The following USP36 variants were observed in gnomAD, a reference collection of about 807,000 sequenced individuals.
The protein encoded by USP36 is ubiquitin specific peptidase 36.
A neutral mutation model predicts 111.5 loss-of-function variants in USP36; 59 were observed. The observed-to-expected ratio is 0.53, with a 90% CI of 0.43 to 0.66. The LOEUF is 0.66. Among genes scored for constraint, USP36 ranks in the 30% least tolerant of loss-of-function variants. USP36 has a pLI of 0.00. For missense variants in USP36, 1,488 were observed against 1,468.0 expected, an observed-to-expected ratio of 1.01 and a Z score of -0.22; for synonymous variants, 628 against 581.0, an observed-to-expected ratio of 1.08 and a Z score of -1.16.
At chr17:78,815,518 T>A (rs2094157411) in intron 10 of USP36, among the ~76,000 whole-genome samples, 1 of 151,992 alleles carries the variant, frequency 6.6e-6, no homozygotes, top group African/African-American at 2.4e-5. Context: ...GGGTCACTCA[T>A]TTTCTTTCCC....
intron 7 of USP36, 96 bp downstream of exon 7, chr17:78,821,841 G>C (rs552663418): frequency 6.9e-7 from 1 of 1,439,398 alleles, no homozygotes. Flanking sequence ...TCTGCACAGC[G>C]AAGAAAGAGC....
chr17:78,814,905 C>T (rs192654982), intron 10 of USP36, among the ~76,000 whole-genome samples: 3 of 152,094 alleles, frequency 2.0e-5, no homozygotes, highest in African/African-American at 4.8e-5. Context: ...GAGCCGAGAT[C>T]GAGCCACTGC....
intron 3 of USP36, 108 bp downstream of exon 3, chr17:78,836,003 C>A: frequency 6.7e-7 from 1 of 1,493,496 alleles, no homozygotes; most frequent in East Asian, 2.3e-5. Context: ...ATTCATAACT[C>A]TTTGACCACA....
chr17:78,807,208 G>A lies in USP36; in HGVS notation c.1836C>T (p.Ser612=), dbSNP rs2093929581. ...TGCTGGCCGAGTGCTCTGGGCTGGA[G>A]CTGCTGGAGCCCCTCCTGTCGAGGC... ...SAGLDRRGSS[S]SSPEHSASSD... Residue 612 remains serine (S), a synonymous_variant, in exon 14 of 21, where the codon AGC becomes AGT. Coordinates refer to ENST00000449938, the MANE Select transcript of USP36 (RefSeq NM_001385174.1). The A allele has an allele frequency of 1.2e-6, 2 of 1,614,086 alleles. No homozygotes were observed. Among genetic ancestry groups the A allele is most frequent in the Non-Finnish European group, 1.7e-6 (2 of 1,179,992 alleles).
intron 2 of USP36, among the ~76,000 whole-genome samples, chr17:78,837,634 C>T (rs2068807474): frequency 6.6e-6 from 1 of 152,200 alleles, no homozygotes; most frequent in Non-Finnish European, 1.5e-5. Context: ...CACTTGCCCT[C>T]CCCTACCCAC....
chr17:78,836,496 A>T, intron 2 of USP36, 124 bp from the exon 3 acceptor site: 1 of 1,268,770 alleles, frequency 7.9e-7, no homozygotes, highest in South Asian at 1.5e-5. Context: ...TGGATCAGTG[A>T]TCCCCTGGAT....
chr17:78,826,499 G>C (rs2067554347), intron 6 of USP36: 1 of 152,378 alleles, frequency 6.6e-6, no homozygotes, highest in Non-Finnish European at 1.5e-5. Context: ...ATCATCCACT[G>C]AGGCCAGTAG....
At chr17:78,800,370 A>T (rs2093710968) in intron 17 of USP36, among the ~76,000 whole-genome samples, 1 of 152,196 alleles carries the variant, frequency 6.6e-6, no homozygotes, top group African/African-American at 2.4e-5. Flanking sequence ...CCTGGTCCCC[A>T]TCAGCAACAC....
intron 14 of USP36, 29 bp downstream of exon 14, chr17:78,806,930 C>G (rs199764785): frequency 6.2e-7 from 1 of 1,607,896 alleles, no homozygotes; most frequent in South Asian, 1.1e-5. Flanking sequence ...TCCTGATACA[C>G]AGCAGCGGCG....
chr17:78,821,788 C>A (rs1031692492), intron 7 of USP36, 149 bp downstream of exon 7: 2 of 863,804 alleles, frequency 2.3e-6, no homozygotes, highest in Non-Finnish European at 3.6e-6. Flanking sequence ...GGCCAAGAGT[C>A]TCAGAGGAAA....
chr17:78,811,169 A>AGG (rs67569924), intron 13 of USP36, among the ~76,000 whole-genome samples: 4 of 38,898 alleles, frequency 1.0e-4, no homozygotes, highest in Non-Finnish European at 2.1e-4. Flanking sequence ...ACAGTCATCA[A>AGG]GAGGGTCCAC....
Position 78,807,204 on chromosome 17 carries a change from T to C in USP36, c.1840A>G (p.Ser614Gly), listed in dbSNP as rs773993759. 2.5e-6 allele frequency: 4 copies of C among 1,614,088 alleles called. No homozygotes were observed. Among genetic ancestry groups the C allele is most frequent in the Non-Finnish European group, 3.4e-6 (4 of 1,179,986 alleles). The change falls in exon 14 of 21, where the codon AGC becomes GGC. Residue 614 changes from serine to glycine, a missense_variant. By Grantham distance (56) the Ser-to-Gly change is moderately conservative. This residue lies in a region of USP36 where 1,073 missense variants were observed against 994.1 expected (regional missense o/e 1.08). Coordinates refer to ENST00000449938, the MANE Select transcript of USP36 (RefSeq NM_001385174.1). ...GLDRRGSSSS[S>G]PEHSASSDST... ...TCGCTGCTGGCCGAGTGCTCTGGGC[T>C]GGAGCTGCTGGAGCCCCTCCTGTCG...
In USP36 at chr17:78,806,019, C is replaced by T. The variant is rs1349307422; in HGVS notation, c.2216+137G>A. ...AGAGGGGGATCTTGGTCAGTGACGC[C>T]CCCCTGTACCTCCTGGCTGCCCCAA... On this transcript the variant is annotated intron_variant, in intron 15 of 20. Coordinates refer to ENST00000449938, the MANE Select transcript of USP36 (RefSeq NM_001385174.1). 2.1e-6 allele frequency: 3 copies of T among 1,449,848 alleles called. No individual in the cohort carries two copies. In the East Asian group the frequency reaches 7.2e-5, roughly 35 times the overall value. The allele number at this position is 1,449,848 out of a possible 1,614,324, so 89.8% of individuals were successfully genotyped here. A position where few individuals can be genotyped will look rare whatever the true frequency, so the allele number is the denominator to read the frequency against.
At chr17:78,793,587 A>G (rs1250552468), downstream of USP36, among the ~76,000 whole-genome samples, 1 of 152,128 alleles carries the variant, frequency 6.6e-6, no homozygotes, top group Non-Finnish European at 1.5e-5. Flanking sequence ...AGACACAGAA[A>G]GCTGCCCGTC....
chr17:78,815,304 C>G (rs1172523811), intron 10 of USP36, among the ~76,000 whole-genome samples: 1 of 152,170 alleles, frequency 6.6e-6, no homozygotes, highest in Non-Finnish European at 1.5e-5. Context: ...TGCACTCCAG[C>G]CTCGCAACAG....
chr17:78,839,397 C>T (rs1735681012), intron 1 of USP36, among the ~76,000 whole-genome samples: 1 of 152,120 alleles, frequency 6.6e-6, no homozygotes, highest in Non-Finnish European at 1.5e-5. Context: ...CATACCAACT[C>T]CCGAAAAATG....
chr17:78,813,807 G>A lies in USP36; in HGVS notation c.1231C>T (p.Leu411=), dbSNP rs2094122522. 6.2e-7 allele frequency: 1 copy of A among 1,614,130 alleles called. No homozygotes were observed. Among genetic ancestry groups the A allele is most frequent in the Non-Finnish European group, 8.5e-7 (1 of 1,179,998 alleles). The change falls in exon 12 of 21, where the codon CTG becomes TTG. Residue 411 remains leucine (L), a synonymous_variant. Transcript: ENST00000449938. ...LVHSSNVKVV[L]NQQAYVLFYL... Reference sequence around the variant, plus strand: ...AACAGCACGTAGGCCTGCTGGTTCAGAACCACCTTGACGTTGCTGGAATGG... The same window carrying A: ...AACAGCACGTAGGCCTGCTGGTTCAAAACCACCTTGACGTTGCTGGAATGG...
chr17:78,819,909 C>A, intron 9 of USP36, 21 bp downstream of exon 9: 1 of 1,612,924 alleles, frequency 6.2e-7, no homozygotes, highest in South Asian at 1.1e-5. Context: ...AGTCTTCTGC[C>A]ACAAGCAACG....
chr17:78,836,499 C>T, intron 2 of USP36, 127 bp from the exon 3 acceptor site: 1 of 1,265,010 alleles, frequency 7.9e-7, no homozygotes, highest in Non-Finnish European at 1.1e-6. Context: ...ATCAGTGATC[C>T]CCTGGATCAG....
Sources: allele counts gnomAD v4.1 joint callset (sites outside exome capture counted in the v4.1 genomes callset), GRCh38; gene constraint gnomAD v4.1.1; regional missense constraint gnomAD v4.1.1; transcripts MANE v1.5; gene names NCBI Gene and HGNC (gene_info 2026-07-23, HGNC 2026-07-21).